The following CDH4 variants were observed in gnomAD, a reference collection of about 807,000 sequenced individuals.
CDH4 encodes the protein cadherin 4.
CDH4 carries 33 observed loss-of-function variants against 86.0 expected under a neutral mutation model. That is an observed-to-expected ratio of 0.38 (90% CI 0.29 to 0.51). The LOEUF is 0.51. CDH4 is among the 20% of genes least tolerant of loss of function. The pLI is 0.86. For missense variants in CDH4, 1,114 were observed against 1,307.4 expected, an observed-to-expected ratio of 0.85 and a Z score of 2.28; for synonymous variants, 555 against 549.4, an observed-to-expected ratio of 1.01 and a Z score of -0.14.
chr20:61,823,281 T>A (rs373928184), intron 4 of CDH4, among the ~76,000 whole-genome samples: 3 of 151,162 alleles, frequency 2.0e-5, no homozygotes, highest in Non-Finnish European at 4.4e-5. Context: ...GATGATGGTG[T>A]TGATGGTAAT....
intron 4 of CDH4, among the ~76,000 whole-genome samples, chr20:61,825,697 G>A (rs1452455939): frequency 6.6e-6 from 1 of 152,162 alleles, no homozygotes; most frequent in African/African-American, 2.4e-5. Flanking sequence ...TCTGGTCTAG[G>A]CCCAGAGCTG....
intron 2 of CDH4, among the ~76,000 whole-genome samples, chr20:61,569,177 G>T (rs2086323275): frequency 6.6e-6 from 1 of 152,154 alleles, no homozygotes; most frequent in African/African-American, 2.4e-5. Context: ...TGAAAAATGG[G>T]CCTCATATTG....
chr20:61,369,432 C>CA (rs2084827828), intron 2 of CDH4, among the ~76,000 whole-genome samples: 1 of 108,440 alleles, frequency 9.2e-6, no homozygotes, highest in Non-Finnish European at 1.7e-5. Context: ...GCCTGGGTGA[C>CA]AGAGTGAGAC....
rs767185838 is a variant in CDH4 at position 61,929,564 on chromosome 20, C to T, written c.2006-45C>T. On this transcript the variant is annotated intron_variant, in intron 12 of 15. Coordinates refer to ENST00000614565, the MANE Select transcript of CDH4 (RefSeq NM_001794.5). ...TTCCTTTGGACGTCTTGCTTGGAAG[C>T]GAGGGCCGGGCTCTGGTTGAATGTT... is the stretch of plus-strand genomic sequence containing the variant. The T allele has an allele frequency of 1.8e-5, 27 of 1,474,846 alleles. 1 individual carries two copies. Among genetic ancestry groups the T allele is most frequent in the African/African-American group, 9.7e-5 (7 of 72,236 alleles). 91.4% of individuals were successfully genotyped at this position (1,474,846 alleles called of 1,614,324 possible). A position where few individuals can be genotyped will look rare whatever the true frequency, so the allele number is the denominator to read the frequency against.
intron 1 of CDH4, among the ~76,000 whole-genome samples, chr20:61,253,855 G>A (rs1298479104): frequency 6.6e-6 from 1 of 152,142 alleles, no homozygotes; most frequent in African/African-American, 2.4e-5. Flanking sequence ...GGCGGCGGGC[G>A]GGAGGCGCCA....
rs1175763200 is a variant in CDH4, at chr20:61,708,223, C to T, written c.170-35340C>T. Among the ~76,000 whole-genome samples the T allele has an allele frequency of 1.3e-5, 2 of 152,186 alleles. No individual in the cohort carries two copies. Among genetic ancestry groups the T allele is most frequent in the African/African-American group, 2.4e-5 (1 of 41,452 alleles). On this transcript the variant is annotated intron_variant, in intron 2 of 15. Coordinates refer to ENST00000614565, the MANE Select transcript of CDH4 (RefSeq NM_001794.5). The surrounding 1 kb of genome is among the most constrained non-coding windows in gnomAD (Gnocchi z 4.5). ...GCAAGTGCCTGGACCTGCACACACA[C>T]ACAGGGCTGAGTGTAGCGTGGCCAG...
At position 61,284,434 on chromosome 20, in the gene CDH4, G is replaced by C. The variant is rs17204200; in HGVS notation, c.169+29497G>C. 1.5e-3 allele frequency among the ~76,000 whole-genome samples: 223 copies of C among 152,210 alleles called. 3 individuals are homozygous for C. The highest frequency in any genetic ancestry group is 5.0e-3 in the African/African-American group (209 of 41,530). On this transcript the variant is annotated intron_variant, in intron 2 of 15. Transcript: ENST00000614565. ...AAACACAGAGATTCACTGGGGCATC[G>C]GACATCTCTCTTCCACCTACAAACA... is the stretch of plus-strand genomic sequence containing the variant.
chr20:61,877,398 C>T (rs1220846845), intron 7 of CDH4, among the ~76,000 whole-genome samples: 5 of 136,192 alleles, frequency 3.7e-5, no homozygotes, highest in African/African-American at 8.0e-5. Context: ...GCAGCTTCAG[C>T]GTGGCCTGCA....
At chr20:61,874,065 G>A (rs889777880) in intron 7 of CDH4, among the ~76,000 whole-genome samples, 165 bp downstream of exon 7, 1 of 152,204 alleles carries the variant, frequency 6.6e-6, no homozygotes, top group African/African-American at 2.4e-5. Context: ...GGAGGCTCTG[G>A]AGCACTCAGC....
intron 4 of CDH4, among the ~76,000 whole-genome samples, chr20:61,815,201 C>T (rs942876258): frequency 1.3e-5 from 2 of 152,136 alleles, no homozygotes; most frequent in African/African-American, 4.8e-5. Flanking sequence ...GGCTGAGCTA[C>T]GTACGAAGTC....
chr20:61,872,321 A>T (rs977021645), intron 6 of CDH4, among the ~76,000 whole-genome samples: 6 of 152,164 alleles, frequency 3.9e-5, no homozygotes, highest in Non-Finnish European at 1.5e-5. Flanking sequence ...GGGCCCCATG[A>T]CTCAGTCCAG....
At chr20:61,875,637 T>C (rs1333151718) in intron 7 of CDH4, among the ~76,000 whole-genome samples, 2 of 152,166 alleles carry the variant, frequency 1.3e-5, no homozygotes, top group Non-Finnish European at 2.9e-5. Flanking sequence ...GAGTGAGCTG[T>C]GGTCAGTCCC....
chr20:61,258,346 GAAAAAAA>G (rs1234257125), intron 2 of CDH4, among the ~76,000 whole-genome samples: 1 of 42,788 alleles, frequency 2.3e-5, no homozygotes, highest in Admixed American at 2.4e-4. Context: ...AAAAAAAAAA[GAAAAAAA>G]AAAAAGAAAG....
At chr20:61,508,671 G>A (rs1460811449) in intron 2 of CDH4, among the ~76,000 whole-genome samples, 2 of 152,260 alleles carry the variant, frequency 1.3e-5, no homozygotes, top group Admixed American at 1.3e-4. Context: ...AGGCAGGGCT[G>A]GCCTCAGGAC....
intron 2 of CDH4, among the ~76,000 whole-genome samples, chr20:61,431,157 A>G (rs2085244236): frequency 6.6e-6 from 1 of 152,250 alleles, no homozygotes; most frequent in South Asian, 2.1e-4. Context: ...GCACGTGGGT[A>G]GAGGATCAGG....
intron 2 of CDH4, among the ~76,000 whole-genome samples, chr20:61,593,796 G>A (rs2086534570): frequency 1.3e-5 from 2 of 151,626 alleles, no homozygotes; most frequent in Admixed American, 6.6e-5. Context: ...ACCCCCTGGG[G>A]ATGCCCGGGA....
chr20:61,546,032 T>C (rs2086079774), intron 2 of CDH4, among the ~76,000 whole-genome samples: 1 of 3,488 alleles, frequency 2.9e-4, no homozygotes, highest in Non-Finnish European at 5.5e-4. Context: ...ACGGTGTGTG[T>C]TCGTGTGTGT....
intron 2 of CDH4, chr20:61,740,690 C>T (rs1021548085): frequency 3.3e-5 from 5 of 152,338 alleles, no homozygotes; most frequent in Admixed American, 2.6e-4. Context: ...CTGCTTCCTT[C>T]TCTACCAGTG....
At chr20:61,698,899 C>A (rs1008604280) in intron 2 of CDH4, among the ~76,000 whole-genome samples, 1 of 152,240 alleles carries the variant, frequency 6.6e-6, no homozygotes, top group African/African-American at 2.4e-5. Context: ...GTGTGTTAAA[C>A]CAGTAACTGA....
Sources: gnomAD v4.1 joint callset for allele counts (sites outside exome capture counted in the v4.1 genomes callset) on GRCh38, gnomAD v4.1.1 for gene constraint, Gnocchi (gnomAD v3.1) non-coding constraint, MANE v1.5 for transcripts, NCBI Gene and HGNC (gene_info 2026-07-23, HGNC 2026-07-21) for gene names.